RIN3: variants seen among roughly 807,000 people sequenced by gnomAD.
The protein encoded by RIN3 is RAB5 interacting protein 3.
Under a neutral mutation model 76.3 loss-of-function variants are expected in RIN3, and 54 were observed. The ratio of observed to expected loss-of-function variants is 0.71; its 90% CI spans 0.57 to 0.89. The LOEUF (loss-of-function observed/expected upper bound fraction) is 0.89. RIN3 is among the 40% of genes least tolerant of loss of function. The probability of loss-of-function intolerance (pLI) is 0.00; values close to 1 mark genes in which losing one functional copy is unlikely to be tolerated. For missense variants in RIN3, 1,256 were observed against 1,322.1 expected (o/e 0.95, Z 0.78); for synonymous variants, 576 against 564.0 (o/e 1.02, Z -0.30).
rs998516776 is a variant in RIN3 at position 92,643,583 on chromosome 14, G to A, written c.532+2254G>A. Among the ~76,000 whole-genome samples, 2 of 152,152 alleles carry A rather than the reference G, an allele frequency of 1.3e-5. No individual in the cohort carries two copies. The highest frequency in any genetic ancestry group is 6.5e-5 in the Admixed American group (1 of 15,276). On this transcript the variant is annotated intron_variant, in intron 5 of 9. Coordinates refer to ENST00000216487, the MANE Select transcript of RIN3 (RefSeq NM_024832.5). The surrounding 1 kb of genome is among the most constrained non-coding windows in gnomAD (Gnocchi z 4.8). ...CTCCCCCTAGGGGTTCGATGACACC[G>A]ACCATTGCAGAGCACTTGGCATTGT...
chr14:92,615,279 G>A, intron 3 of RIN3, 128 bp from the exon 4 acceptor site: 2 of 757,036 alleles, frequency 2.6e-6, no homozygotes, highest in Non-Finnish European at 2.3e-6. Flanking sequence ...GGGGCCGCAT[G>A]CAGCCCAGCA....
At chr14:92,655,549 G>A (rs990424460) in intron 6 of RIN3, among the ~76,000 whole-genome samples, 5 of 152,376 alleles carry the variant, frequency 3.3e-5, no homozygotes, top group Admixed American at 2.0e-4. Context: ...CAGGGTTCAC[G>A]TCCAAGGGTG....
At chr14:92,519,415 C>T (rs1004826352) in intron 1 of RIN3, among the ~76,000 whole-genome samples, 5 of 152,116 alleles carry the variant, frequency 3.3e-5, no homozygotes, top group African/African-American at 1.2e-4. Flanking sequence ...GTTTCTCAGG[C>T]GGGGAGCCCT....
At chr14:92,655,960 T>C (rs1335826232) in intron 6 of RIN3, among the ~76,000 whole-genome samples, 2 of 151,890 alleles carry the variant, frequency 1.3e-5, no homozygotes, top group African/African-American at 4.8e-5. Flanking sequence ...GTTCTGGGGC[T>C]AAAGAGAGAT....
intron 1 of RIN3, among the ~76,000 whole-genome samples, chr14:92,546,692 T>A (rs1387742389): frequency 6.7e-6 from 1 of 150,090 alleles, no homozygotes; most frequent in African/African-American, 2.4e-5. Context: ...TGGGCGTAAC[T>A]GTTTTCATTC....
chr14:92,624,067 C>T (rs1166219977), intron 4 of RIN3, among the ~76,000 whole-genome samples: 2 of 152,274 alleles, frequency 1.3e-5, no homozygotes, highest in South Asian at 2.1e-4. Context: ...GCCTACCTTG[C>T]GCACAAGCGT....
chr14:92,592,400 CA>C (rs35193465), intron 3 of RIN3, among the ~76,000 whole-genome samples: 5,240 of 75,854 alleles, frequency 0.069, 135 homozygotes, highest in Admixed American at 0.16. Context: ...GACTCTGTCT[CA>C]AAAAAAAAAA....
intron 1 of RIN3, among the ~76,000 whole-genome samples, chr14:92,526,691 T>A (rs1441723930): frequency 6.6e-6 from 1 of 152,164 alleles, no homozygotes; most frequent in Admixed American, 6.5e-5. Flanking sequence ...AGGCAGAGGT[T>A]GCAGTGAGCC....
chr14:92,597,063 G>A (rs141477950), intron 3 of RIN3, among the ~76,000 whole-genome samples: 24 of 152,264 alleles, frequency 1.6e-4, no homozygotes, highest in African/African-American at 4.6e-4. Context: ...TAGAAAATGC[G>A]GATGGTAATA....
intron 2 of RIN3, among the ~76,000 whole-genome samples, chr14:92,567,109 CTGGGTTTCTT>C (rs1319309663): frequency 6.6e-6 from 1 of 152,142 alleles, no homozygotes; most frequent in Admixed American, 6.5e-5. Context: ...TTTTACTTCT[CTGGGTTTCTT>C]TGGCTGTAGA....
chr14:92,623,698 A>G lies in RIN3; in HGVS notation c.440+8219A>G, dbSNP rs1886258949. Among the ~76,000 whole-genome samples the G allele has an allele frequency of 6.6e-6, 1 of 152,210 alleles. No homozygotes were observed. The highest frequency in any genetic ancestry group is 1.5e-5 in the Non-Finnish European group (1 of 68,032). On this transcript the variant is annotated intron_variant, in intron 4 of 9. Transcript: ENST00000216487. The surrounding 1 kb of genome is among the most constrained non-coding windows in gnomAD (Gnocchi z 4.9). ...AAGTACCACTCCAGTTACTTGGCAG[A>G]GTGTCTAGCAGGTGACCACCACAAT... is the stretch of plus-strand genomic sequence containing the variant.
chr14:92,587,474 G>A (rs1057389599), intron 3 of RIN3, among the ~76,000 whole-genome samples: 5 of 152,228 alleles, frequency 3.3e-5, no homozygotes, highest in Non-Finnish European at 7.3e-5. Context: ...GAGAGAACTG[G>A]ACACAGGAAG....
In RIN3 at chr14:92,630,396, G is replaced by A. The variant is rs147583645; in HGVS notation, c.441-10842G>A. On this transcript the variant is annotated intron_variant, in intron 4 of 9. Coordinates refer to ENST00000216487, the MANE Select transcript of RIN3 (RefSeq NM_024832.5). Reference sequence around the variant, plus strand: ...AATCCCAGCTACTCAGGAGGCTGAGGCAGGAGAACGGCTTGAACCCAGGAG... The same window carrying A: ...AATCCCAGCTACTCAGGAGGCTGAGACAGGAGAACGGCTTGAACCCAGGAG... Among the ~76,000 whole-genome samples the A allele has an allele frequency of 6.3e-3, 967 of 152,334 alleles. 7 individuals are homozygous for A. Among genetic ancestry groups the A allele is most frequent in the African/African-American group, 0.022 (905 of 41,570 alleles).
chr14:92,539,243 A>G (rs1439914040), intron 1 of RIN3, among the ~76,000 whole-genome samples: 2 of 152,150 alleles, frequency 1.3e-5, no homozygotes, highest in Non-Finnish European at 2.9e-5. Flanking sequence ...CGTTAAGCCC[A>G]GAGTGGGGTC....
intron 3 of RIN3, chr14:92,586,424 A>G (rs1297696595): frequency 6.6e-6 from 1 of 152,194 alleles, no homozygotes; most frequent in African/African-American, 2.4e-5. Context: ...AAATAACCAC[A>G]GTTTATTTCT....
rs376455215 is a variant in RIN3, at chr14:92,589,020, A to G, written c.367+11543A>G. Among the ~76,000 whole-genome samples, 21 of 152,288 alleles carry G rather than the reference A, an allele frequency of 1.4e-4. No homozygotes were observed. The East Asian group carries it at 2.1e-3, about 15-fold the overall frequency. ...CTATGTAAGGCTCTTTCTGACTGAC[A>G]GCATCCTCCCCATGCCCACATTCAC... On this transcript the variant is annotated intron_variant, in intron 3 of 9. Transcript: ENST00000216487.
intron 3 of RIN3, among the ~76,000 whole-genome samples, chr14:92,583,412 C>G (rs2140067335): frequency 6.6e-6 from 1 of 152,366 alleles, no homozygotes. Flanking sequence ...TTGGGCTAGT[C>G]TTGCTGTGGT....
chr14:92,554,922 C>CA (rs76864062), intron 1 of RIN3, among the ~76,000 whole-genome samples: 8,204 of 151,114 alleles, frequency 0.054, 375 homozygotes, highest in East Asian at 0.2. Flanking sequence ...GAATCTGTCT[C>CA]AAAAAAAAAT....
At position 92,688,178 on chromosome 14, in the gene RIN3, C is replaced by T. The variant is rs554426241; in HGVS notation, c.2884C>T (p.Pro962Ser). The change falls in exon 10 of 10, where the codon CCC (proline) becomes TCC (serine). Residue 962 changes from proline to serine, a missense_variant. Around this residue, in one of 3 missense-constraint regions of RIN3, gnomAD observed 218 missense variants for 174.5 expected, o/e 1.25. Transcript: ENST00000216487. ...PKRDFHFVYR[P>S]LDGGGGGGGG... ...GCGCGACTTCCACTTTGTCTACCGGCCCCTGGACGGTGGTGGCGGCGGCGG... is the reference window on the plus strand; with the variant it reads ...GCGCGACTTCCACTTTGTCTACCGGTCCCTGGACGGTGGTGGCGGCGGCGG... The T allele has an allele frequency of 2.5e-6, 4 of 1,587,834 alleles. No homozygotes were observed. The African/African-American group carries it at 4.5e-5, about 18-fold the overall frequency.
Sources: gnomAD v4.1 joint callset for allele counts (sites outside exome capture counted in the v4.1 genomes callset) on GRCh38, gnomAD v4.1.1 for gene constraint, gnomAD v4.1.1 regional missense constraint, Gnocchi (gnomAD v3.1) non-coding constraint, MANE v1.5 for transcripts, NCBI Gene and HGNC (gene_info 2026-07-23, HGNC 2026-07-21) for gene names.